The following NELL1 variants were observed in gnomAD, a reference collection of about 807,000 sequenced individuals.
NELL1 encodes protein kinase C-binding protein NELL1.
In NELL1, 76 loss-of-function variants were observed where a neutral mutation model predicts 107.4. The observed-to-expected ratio is 0.71, with a 90% confidence interval of 0.59 to 0.86. The LOEUF (loss-of-function observed/expected upper bound fraction) is 0.86. NELL1 is among the 40% of genes least tolerant of loss of function. The pLI, the probability that NELL1 is intolerant of heterozygous loss-of-function variation, is 0.00. For synonymous variants in NELL1, 353 were observed against 341.2 expected (o/e 1.03, Z -0.38); for missense variants, 1,024 against 1,005.5 (o/e 1.02, Z -0.25).
At chr11:21,269,229 A>G (rs766706582) in intron 14 of NELL1, among the ~76,000 whole-genome samples, 9 of 152,110 alleles carry the variant, frequency 5.9e-5, no homozygotes, top group Admixed American at 1.3e-4. Context: ...ACAAAAAGAA[A>G]CAATAGGAAT....
intron 14 of NELL1, among the ~76,000 whole-genome samples, chr11:21,348,456 A>G (rs1000042057): frequency 2.0e-5 from 3 of 152,168 alleles, no homozygotes; most frequent in Admixed American, 6.5e-5. Flanking sequence ...ATGTAAACCA[A>G]TAATTTTAAT....
intron 16 of NELL1, among the ~76,000 whole-genome samples, chr11:21,540,745 T>A (rs577856565): frequency 6.6e-6 from 1 of 152,122 alleles, no homozygotes; most frequent in East Asian, 1.9e-4. Context: ...GAACATCTAC[T>A]CCCATGATTG....
intron 4 of NELL1, among the ~76,000 whole-genome samples, chr11:20,858,468 ATTT>A (rs1848921370): frequency 6.6e-6 from 1 of 152,200 alleles, no homozygotes; most frequent in Admixed American, 6.5e-5. Flanking sequence ...TAGCTGAGCA[ATTT>A]ATCAAGGTTT....
chr11:21,374,777 A>T (rs1357831764), intron 15 of NELL1, among the ~76,000 whole-genome samples: 4 of 151,962 alleles, frequency 2.6e-5, no homozygotes, highest in Non-Finnish European at 5.9e-5. Flanking sequence ...TTGACTCCCT[A>T]CATCTTGTAC....
chr11:21,473,233 C>G (rs1854227585), intron 15 of NELL1, among the ~76,000 whole-genome samples: 1 of 151,990 alleles, frequency 6.6e-6, no homozygotes. Flanking sequence ...AATGCAGAGG[C>G]AAATAAAGAT....
At chr11:21,299,820 T>G (rs745580501) in intron 14 of NELL1, among the ~76,000 whole-genome samples, 19 of 152,022 alleles carry the variant, frequency 1.2e-4, no homozygotes, top group Non-Finnish European at 2.2e-4. Context: ...ATTTATATTT[T>G]GAATACTTTT....
chr11:21,503,436 G>C lies in NELL1; in HGVS notation c.1646-30938G>C, dbSNP rs75691615. ...CAAATGTGTTTCTCATTAAATAAAA[G>C]AACCAAGAATTCTGGGTTTGAGTCT... On this transcript the variant is annotated intron_variant, in intron 15 of 19. Coordinates refer to ENST00000357134, the MANE Select transcript of NELL1 (RefSeq NM_006157.5). Among the ~76,000 whole-genome samples the C allele has an allele frequency of 0.017, 2,549 of 152,230 alleles. 197 individuals are homozygous for C. In the East Asian group the frequency reaches 0.26, roughly 16 times the overall value.
intron 13 of NELL1, among the ~76,000 whole-genome samples, chr11:21,148,545 G>A (rs1014152204): frequency 2.0e-5 from 3 of 152,188 alleles, no homozygotes; most frequent in African/African-American, 7.2e-5. Flanking sequence ...CAGGGTTTAT[G>A]AGCCTTACTT....
chr11:21,284,150 G>A (rs1277895521), intron 14 of NELL1: 5 of 434,038 alleles, frequency 1.2e-5, no homozygotes, highest in Admixed American at 2.4e-5. Context: ...TAAAACTGAC[G>A]ACACCCTGCC....
chr11:20,700,078 C>T lies in NELL1; in HGVS notation c.184+22018C>T, dbSNP rs369544926. On this transcript the variant is annotated intron_variant, in intron 2 of 19. Coordinates refer to ENST00000357134, the MANE Select transcript of NELL1 (RefSeq NM_006157.5). ...ATAAAATGATGCTTTCATTATCAGT[C>T]AACATAGTCCTTGACAAAGCAAGCT... 3.9e-5 allele frequency among the ~76,000 whole-genome samples: 6 copies of T among 151,902 alleles called. No homozygotes were observed. The East Asian group carries it at 9.6e-4, about 24-fold the overall frequency.
chr11:21,214,840 G>T (rs1049251289), intron 13 of NELL1, among the ~76,000 whole-genome samples: 5 of 152,136 alleles, frequency 3.3e-5, no homozygotes, highest in African/African-American at 1.2e-4. Context: ...AAGAGATTGT[G>T]TTGGTGGTTT....
chr11:20,706,166 G>A lies in NELL1; in HGVS notation c.184+28106G>A, dbSNP rs151053854. Among the ~76,000 whole-genome samples, 913 of 152,152 alleles carry A rather than the reference G, an allele frequency of 6.0e-3. 11 individuals are homozygous for A. Among genetic ancestry groups the A allele is most frequent in the African/African-American group, 0.021 (873 of 41,482 alleles). ...TTTGACCCAGCCATCCCATTACTGG[G>A]TTATATACCCAAAGGACTATAAATC... On this transcript the variant is annotated intron_variant, in intron 2 of 19. Transcript: ENST00000357134.
intron 4 of NELL1, among the ~76,000 whole-genome samples, chr11:20,876,142 A>G (rs891718361): frequency 2.6e-5 from 4 of 152,152 alleles, no homozygotes; most frequent in African/African-American, 4.8e-5. Flanking sequence ...TTGTTAAGGA[A>G]CCTGCTGAGC....
At chr11:20,895,592 G>A (rs139063950) in intron 5 of NELL1, among the ~76,000 whole-genome samples, 2,986 of 134,750 alleles carry the variant, frequency 0.022, 124 homozygotes, top group African/African-American at 0.076. Context: ...TGCAACCTCC[G>A]CCCCTCCAGG....
intron 14 of NELL1, among the ~76,000 whole-genome samples, chr11:21,347,388 A>G (rs1850708110): frequency 6.6e-6 from 1 of 152,170 alleles, no homozygotes; most frequent in Non-Finnish European, 1.5e-5. Context: ...GGATCACCTG[A>G]GGTCGGGAGT....
At chr11:20,983,913 A>G (rs899819576) in intron 12 of NELL1, among the ~76,000 whole-genome samples, 1 of 152,070 alleles carries the variant, frequency 6.6e-6, no homozygotes, top group East Asian at 1.9e-4. Flanking sequence ...TTCTGATCTC[A>G]TTTTGCACCA....
At chr11:20,973,219 C>T (rs1038671674) in intron 12 of NELL1, among the ~76,000 whole-genome samples, 7 of 150,352 alleles carry the variant, frequency 4.7e-5, no homozygotes, top group South Asian at 2.1e-4. Context: ...AATGATTCTC[C>T]GGCCTCAGCC....
intron 14 of NELL1, among the ~76,000 whole-genome samples, chr11:21,265,659 G>A (rs1216034347): frequency 6.6e-6 from 1 of 152,026 alleles, no homozygotes; most frequent in African/African-American, 2.4e-5. Context: ...TGAAGAGTAT[G>A]TGTGTCTGTG....
intron 2 of NELL1, 93 bp from the exon 3 acceptor site, chr11:20,783,587 T>C: frequency 1.2e-6 from 1 of 821,908 alleles, no homozygotes; most frequent in East Asian, 2.7e-5. Context: ...CCTTCTCATC[T>C]CCCCTCTCCT....
Sources: gnomAD v4.1 joint callset for allele counts (sites outside exome capture counted in the v4.1 genomes callset) on GRCh38, gnomAD v4.1.1 for gene constraint, MANE v1.5 for transcripts, NCBI Gene and HGNC (gene_info 2026-07-23, HGNC 2026-07-21) for gene names.